The following YWHAH variants were observed in gnomAD, a reference collection of about 807,000 sequenced individuals.
The protein encoded by YWHAH is tyrosine 3-monooxygenase/tryptophan 5-monooxygenase activation protein eta.
YWHAH carries 6 observed loss-of-function variants against 22.9 expected under a neutral mutation model. The ratio of observed to expected loss-of-function variants is 0.26; its 90% confidence interval spans 0.14 to 0.52. The LOEUF (loss-of-function observed/expected upper bound fraction) is 0.52, where lower values mean the gene tolerates loss of function less well. Among genes scored for constraint, YWHAH ranks in the 20% least tolerant of loss-of-function variants. YWHAH has a pLI of 0.97. For missense variants in YWHAH, 173 were observed against 308.6 expected, an observed-to-expected ratio of 0.56 and a Z score of 3.29; for synonymous variants, 135 against 124.5, an observed-to-expected ratio of 1.08 and a Z score of -0.56.
At chr22:31,950,419 G>A (rs762634910) in intron 1 of YWHAH, 7 of 779,104 alleles carry the variant, frequency 9.0e-6, no homozygotes, top group Admixed American at 8.5e-5. Flanking sequence ...TCCCTTCTGC[G>A]GTGGTGAGTG....
At chr22:31,955,306 T>A (rs897782876) in intron 1 of YWHAH, among the ~76,000 whole-genome samples, 1 of 152,216 alleles carries the variant, frequency 6.6e-6, no homozygotes, top group African/African-American at 2.4e-5. Flanking sequence ...AGCCCCACCA[T>A]CTGTTAATGT....
intron 1 of YWHAH, chr22:31,945,751 C>A (rs1266332447): frequency 1.7e-6 from 2 of 1,143,038 alleles, no homozygotes; most frequent in African/African-American, 1.6e-5. Flanking sequence ...AACCTATGTT[C>A]AGTGTACAAC....
At chr22:31,950,380 C>A (rs1197413997) in intron 1 of YWHAH, 1 of 779,466 alleles carries the variant, frequency 1.3e-6, no homozygotes, top group Non-Finnish European at 2.4e-6. Flanking sequence ...TGGTGCTCCT[C>A]CCGCCCCTAC....
Position 31,956,955 on chromosome 22 carries a change from C to A in YWHAH, c.*163C>A. 1.1e-6 allele frequency: 1 copy of A among 912,726 alleles called. No individual in the cohort carries two copies. The highest frequency in any genetic ancestry group is 1.6e-6 in the Non-Finnish European group (1 of 623,662). 56.5% of individuals were successfully genotyped at this position (912,726 alleles called of 1,614,324 possible). ...TCTTGGGAAGCAGTTTCAGATAAAT[C>A]ATGGGCATTGCTGGACTGATGGTTG... On this transcript the variant is annotated 3_prime_UTR_variant, in exon 2 of 2. Transcript: ENST00000248975. The surrounding 1 kb of genome is among the most constrained non-coding windows in gnomAD (Gnocchi z 5.1).
chr22:31,944,718 C>G lies in YWHAH; in HGVS notation c.-16C>G. On this transcript the variant is annotated 5_prime_UTR_variant, in exon 1 of 2. Coordinates refer to ENST00000248975, the MANE Select transcript of YWHAH (RefSeq NM_003405.4). ...CAGCGGTGTGAGGCGCGAGGCGAGG[C>G]CGAGCCGCGAGCGACATGGGGGACC... 2.2e-6 allele frequency: 3 copies of G among 1,387,934 alleles called. No individual in the cohort carries two copies. Among genetic ancestry groups the G allele is most frequent in the Non-Finnish European group, 2.8e-6 (3 of 1,062,544 alleles). 86.0% of individuals were successfully genotyped at this position (1,387,934 alleles called of 1,614,324 possible).
intron 1 of YWHAH, among the ~76,000 whole-genome samples, chr22:31,946,257 G>A (rs2149466279): frequency 6.6e-6 from 1 of 152,304 alleles, no homozygotes; most frequent in South Asian, 2.1e-4. Flanking sequence ...GACGGTCTAG[G>A]TCTGGAGGCT....
chr22:31,954,446 C>CCAACTCTGTTAG (rs894648104), intron 1 of YWHAH, among the ~76,000 whole-genome samples: 1 of 152,112 alleles, frequency 6.6e-6, no homozygotes, highest in Non-Finnish European at 1.5e-5. Flanking sequence ...TGGGCCCAGA[C>CCAACTCTGTTAG]CAACTCTGTT....
chr22:31,956,856 G>A lies in YWHAH; in HGVS notation c.*64G>A. 1 of 1,486,236 alleles carries A rather than the reference G, an allele frequency of 6.7e-7. No individual in the cohort carries two copies. The highest frequency in any genetic ancestry group is 9.0e-7 in the Non-Finnish European group (1 of 1,116,972). The allele number at this position is 1,486,236 out of a possible 1,614,324, so 92.1% of individuals were successfully genotyped here. A position where few individuals can be genotyped will look rare whatever the true frequency, so the allele number is the denominator to read the frequency against. ...CCCCCATCATCACCGATTCTTCCTT[G>A]CCACAATCACTAAATATCTAGTGCT... On this transcript the variant is annotated 3_prime_UTR_variant, in exon 2 of 2. Transcript: ENST00000248975. This position sits in a 1 kb window ranked among gnomAD's most constrained non-coding sequence, Gnocchi z 5.1.
chr22:31,951,218 C>G (rs146403429), intron 1 of YWHAH, among the ~76,000 whole-genome samples: 1 of 152,274 alleles, frequency 6.6e-6, no homozygotes, highest in East Asian at 1.9e-4. Flanking sequence ...ACTGACTTTT[C>G]TCACACAGAC....
intron 1 of YWHAH, among the ~76,000 whole-genome samples, chr22:31,949,516 G>T (rs536903749): frequency 1.0e-3 from 153 of 148,574 alleles, no homozygotes; most frequent in African/African-American, 1.7e-3. Flanking sequence ...TTTTTGGTGG[G>T]GGGGGGAGTC....
At chr22:31,950,161 A>G (rs1194907121) in intron 1 of YWHAH, 4 of 268,604 alleles carry the variant, frequency 1.5e-5, no homozygotes, top group Non-Finnish European at 2.9e-5. Flanking sequence ...TAAGAAGTGC[A>G]GGACTATGTT....
intron 1 of YWHAH, among the ~76,000 whole-genome samples, chr22:31,948,405 T>C (rs911050314): frequency 1.3e-5 from 2 of 151,410 alleles, no homozygotes; most frequent in African/African-American, 2.4e-5. Context: ...TTTTTTTTCT[T>C]AAAGAGATGG....
intron 1 of YWHAH, among the ~76,000 whole-genome samples, chr22:31,952,295 CT>C (rs1157345461): frequency 6.6e-6 from 1 of 152,160 alleles, no homozygotes; most frequent in Non-Finnish European, 1.5e-5. Flanking sequence ...TATGACTGAA[CT>C]TTTCATTAGT....
intron 1 of YWHAH, chr22:31,950,412 C>G (rs765157664): frequency 1.3e-6 from 1 of 779,452 alleles, no homozygotes; most frequent in Admixed American, 1.7e-5. Flanking sequence ...GTGGCATTCC[C>G]TTCTGCGGTG....
At chr22:31,946,702 T>C (rs2093835316) in intron 1 of YWHAH, among the ~76,000 whole-genome samples, 1 of 152,194 alleles carries the variant, frequency 6.6e-6, no homozygotes, top group Non-Finnish European at 1.5e-5. Flanking sequence ...AATGGAGAGA[T>C]GTTACCAGAA....
chr22:31,956,266 C>G lies in YWHAH; in HGVS notation c.215C>G (p.Ala72Gly). ...VISSIEQKTMADGNEKKLEKV... is the reference protein window; with the variant it reads ...VISSIEQKTMGDGNEKKLEKV... Reference sequence around the variant, plus strand: ...AGCAGCATTGAGCAGAAAACCATGGCTGATGGAAACGAAAAGAAATTGGAG... The same window carrying G: ...AGCAGCATTGAGCAGAAAACCATGGGTGATGGAAACGAAAAGAAATTGGAG... The change falls in exon 2 of 2, where the codon GCT becomes GGT. Residue 72 changes from alanine (A) to glycine (G), a missense_variant. Ala to Gly is a moderately conservative substitution (Grantham distance 60, BLOSUM62 0). Coordinates refer to ENST00000248975, the MANE Select transcript of YWHAH (RefSeq NM_003405.4). The surrounding 1 kb of genome is among the most constrained non-coding windows in gnomAD (Gnocchi z 5.1). The G allele has an allele frequency of 6.2e-7, 1 of 1,614,066 alleles. No homozygotes were observed. The highest frequency in any genetic ancestry group is 8.5e-7 in the Non-Finnish European group (1 of 1,180,028).
intron 1 of YWHAH, among the ~76,000 whole-genome samples, chr22:31,955,866 C>T (rs2093848972): frequency 6.6e-6 from 1 of 152,196 alleles, no homozygotes; most frequent in African/African-American, 2.4e-5. Context: ...GTGAAAGCAA[C>T]ATCTTATCAG....
chr22:31,956,325 G>A lies in YWHAH; in HGVS notation c.274G>A (p.Glu92Lys). The A allele has an allele frequency of 6.2e-7, 1 of 1,614,170 alleles. No individual in the cohort carries two copies. The highest frequency in any genetic ancestry group is 8.5e-7 in the Non-Finnish European group (1 of 1,180,046). Residue 92 changes from glutamate (E) to lysine (K), a missense_variant, in exon 2 of 2, where the codon GAG becomes AAG. Physicochemically the swap from Glu to Lys is moderately conservative, Grantham distance 56 (BLOSUM62 1). Coordinates refer to ENST00000248975, the MANE Select transcript of YWHAH (RefSeq NM_003405.4). The surrounding 1 kb of genome is among the most constrained non-coding windows in gnomAD (Gnocchi z 5.1). ...AGCTTACCGGGAGAAGATTGAGAAG[G>A]AGCTGGAGACAGTTTGCAATGATGT... is the stretch of plus-strand genomic sequence containing the variant. ...VKAYREKIEK[E>K]LETVCNDVLS...
In YWHAH at chr22:31,945,687, A is replaced by G. The variant is rs2093833269; in HGVS notation, c.87+867A>G. ...GTTATTTTACGTTTTCTGTAAATGA[A>G]TATTTCCTCTCCCTGCGTCAAGGTC... On this transcript the variant is annotated intron_variant, in intron 1 of 1. Coordinates refer to ENST00000248975, the MANE Select transcript of YWHAH (RefSeq NM_003405.4). The G allele has an allele frequency of 6.6e-6, 8 of 1,221,312 alleles. No individual in the cohort carries two copies. The South Asian group carries it at 1.1e-4, about 17-fold the overall frequency. 75.7% of individuals were successfully genotyped at this position (1,221,312 alleles called of 1,614,324 possible).
Sources: gnomAD v4.1 joint callset for allele counts (sites outside exome capture counted in the v4.1 genomes callset) on GRCh38, gnomAD v4.1.1 for gene constraint, Gnocchi (gnomAD v3.1) non-coding constraint, MANE v1.5 for transcripts, NCBI Gene and HGNC (gene_info 2026-07-23, HGNC 2026-07-21) for gene names.